The following PREP variants were observed in gnomAD, a reference collection of about 807,000 sequenced individuals.
The protein encoded by PREP is prolyl endopeptidase, also known as dJ355L5.1 (prolyl endopeptidase).
PREP carries 29 observed loss-of-function variants against 87.6 expected under a neutral mutation model. The ratio of observed to expected loss-of-function variants is 0.33; its 90% confidence interval spans 0.25 to 0.45. PREP has a LOEUF of 0.45. PREP is among the 20% of genes least tolerant of loss of function. The pLI is 1.00. For missense variants in PREP, 695 were observed against 886.5 expected, an observed-to-expected ratio of 0.78 and a Z score of 2.74; for synonymous variants, 337 against 328.6, an observed-to-expected ratio of 1.03 and a Z score of -0.28.
chr6:105,281,618 C>G, intron 14 of PREP, 128 bp downstream of exon 14: 1 of 1,157,424 alleles, frequency 8.6e-7, no homozygotes, highest in South Asian at 1.7e-5. Context: ...AGTCCCATCT[C>G]CTCTCCAGCA....
chr6:105,290,785 G>A lies in PREP; in HGVS notation c.1318-1891C>T, dbSNP rs72944156. ...AGTTCCCATTATCCCTGTAGTTGCAGAAATATATCCAAGCTTTAAGTTGGT... is the reference window on the plus strand; with the variant it reads ...AGTTCCCATTATCCCTGTAGTTGCAAAAATATATCCAAGCTTTAAGTTGGT... On this transcript the variant is annotated intron_variant, in intron 10 of 14. Transcript: ENST00000652536. Among the ~76,000 whole-genome samples, 1,210 of 152,320 alleles carry A rather than the reference G, an allele frequency of 7.9e-3. 7 individuals are homozygous for A. The highest frequency in any genetic ancestry group is 0.013 in the Non-Finnish European group (899 of 68,034).
intron 4 of PREP, among the ~76,000 whole-genome samples, chr6:105,374,011 T>C (rs573229508): frequency 1.3e-5 from 2 of 152,304 alleles, no homozygotes; most frequent in Non-Finnish European, 2.9e-5. Context: ...AACTAAATTG[T>C]AGTCATTAGG....
intron 6 of PREP, among the ~76,000 whole-genome samples, chr6:105,364,423 A>G (rs1772330935): frequency 6.6e-6 from 1 of 152,240 alleles, no homozygotes; most frequent in South Asian, 2.1e-4. Context: ...TGAAGAAGGA[A>G]GATGAGTCAC....
chr6:105,369,131 G>T, intron 5 of PREP, 107 bp from the exon 6 acceptor site: 1 of 1,154,806 alleles, frequency 8.7e-7, no homozygotes, highest in East Asian at 2.4e-5. Flanking sequence ...GCTGGCTGCA[G>T]GATACAAGGT....
At chr6:105,356,981 T>G (rs1265921930) in intron 6 of PREP, among the ~76,000 whole-genome samples, 2 of 152,200 alleles carry the variant, frequency 1.3e-5, no homozygotes. Context: ...AACCTTTTAT[T>G]TATCTTGCTT....
chr6:105,307,180 G>C (rs1439525413), intron 10 of PREP, among the ~76,000 whole-genome samples: 1 of 152,136 alleles, frequency 6.6e-6, no homozygotes, highest in East Asian at 1.9e-4. Context: ...CCTTTTAGTG[G>C]CTTTGGCTTT....
At chr6:105,290,581 C>T (rs764164406) in intron 10 of PREP, among the ~76,000 whole-genome samples, 1 of 151,820 alleles carries the variant, frequency 6.6e-6, no homozygotes. Context: ...AGCTGACTCT[C>T]AGACCCTCCA....
intron 1 of PREP, among the ~76,000 whole-genome samples, chr6:105,402,451 C>A (rs1052750502): frequency 2.7e-5 from 4 of 147,770 alleles, no homozygotes; most frequent in Non-Finnish European, 4.5e-5. Context: ...CACACACAAA[C>A]ACACACACAC....
chr6:105,359,115 C>T (rs1333967284), intron 6 of PREP, among the ~76,000 whole-genome samples: 1 of 152,170 alleles, frequency 6.6e-6, no homozygotes, highest in Non-Finnish European at 1.5e-5. Flanking sequence ...AGGGCAGCCA[C>T]AGCTGGGGTG....
At chr6:105,387,566 C>T (rs1773031077) in intron 2 of PREP, among the ~76,000 whole-genome samples, 1 of 145,790 alleles carries the variant, frequency 6.9e-6, no homozygotes, top group African/African-American at 2.6e-5. Context: ...TTGTCACAGG[C>T]CACACATAAA....
rs772713852 is a variant in PREP, at chr6:105,333,358, G to A, written c.971C>T (p.Ser324Phe). ...INIDFRDPEE[S>F]KWKVLVPEHE... ...CTCAGGAACAAGTACTTTCCACTTA[G>A]ACTCTTCAGGATCCCTGAAGTCAAT... The change falls in exon 8 of 15, where the codon TCT becomes TTT. Residue 324 changes from serine (S) to phenylalanine (F), a missense_variant. Physicochemically the swap from Ser to Phe is radical, Grantham distance 155 (BLOSUM62 -2). Coordinates refer to ENST00000652536, the MANE Select transcript of PREP (RefSeq NM_002726.5). 1.9e-6 allele frequency: 3 copies of A among 1,614,016 alleles called. No individual in the cohort carries two copies. The highest frequency in any genetic ancestry group is 2.2e-5 in the East Asian group (1 of 44,888).
At chr6:105,297,013 G>A (rs146771191) in intron 10 of PREP, among the ~76,000 whole-genome samples, 1 of 152,330 alleles carries the variant, frequency 6.6e-6, no homozygotes, top group East Asian at 1.9e-4. Context: ...GGCTATGGGG[G>A]TTCATGATCT....
Position 105,386,909 on chromosome 6 carries a change from G to T in PREP, c.121-9390C>A, listed in dbSNP as rs1244094381. Among the ~76,000 whole-genome samples, 5 of 152,144 alleles carry T rather than the reference G, an allele frequency of 3.3e-5. No homozygotes were observed. The East Asian group carries it at 9.6e-4, about 29-fold the overall frequency. Reference sequence around the variant, plus strand: ...ATGGTGAATTAGGCACCTAAACATGGTGGGGGAAAAAAAGAAGCTAAGGCC... The same window carrying T: ...ATGGTGAATTAGGCACCTAAACATGTTGGGGGAAAAAAAGAAGCTAAGGCC... On this transcript the variant is annotated intron_variant, in intron 2 of 14. Coordinates refer to ENST00000652536, the MANE Select transcript of PREP (RefSeq NM_002726.5).
chr6:105,390,600 T>G (rs372803627), intron 2 of PREP, among the ~76,000 whole-genome samples: 45 of 152,366 alleles, frequency 3.0e-4, no homozygotes, highest in African/African-American at 9.6e-4. Flanking sequence ...ATTTTTCTTT[T>G]GTGTATTTCT....
At chr6:105,392,529 T>C in intron 2 of PREP, among the ~76,000 whole-genome samples, 1 of 152,182 alleles carries the variant, frequency 6.6e-6, no homozygotes, top group East Asian at 1.9e-4. Context: ...TTTTGGCGTT[T>C]AGTTTGTATT....
chr6:105,285,617 T>G, intron 11 of PREP, 37 bp from the exon 12 acceptor site: 1 of 1,550,282 alleles, frequency 6.5e-7, no homozygotes, highest in Non-Finnish European at 8.9e-7. Flanking sequence ...TTCCATTAAC[T>G]GCCTAGTGAA....
At chr6:105,336,023 C>T (rs915882005) in intron 7 of PREP, among the ~76,000 whole-genome samples, 10 of 152,190 alleles carry the variant, frequency 6.6e-5, no homozygotes, top group African/African-American at 2.2e-4. Flanking sequence ...TTCGGGAGGC[C>T]GAGGCAGGTG....
chr6:105,399,541 C>T (rs986748951), intron 1 of PREP, among the ~76,000 whole-genome samples: 11 of 152,246 alleles, frequency 7.2e-5, no homozygotes, highest in African/African-American at 2.6e-4. Flanking sequence ...AACATAAAAC[C>T]CGACTAAAGC....
At position 105,323,787 on chromosome 6, in the gene PREP, C is replaced by T; in HGVS notation, c.1214-19G>A. On this transcript the variant is annotated intron_variant, in intron 9 of 14. Transcript: ENST00000652536. ...ATGATACCTAAAAAGTAGAATAAGG[C>T]TTGGTTTAGTCTACGGGACTCACTA... 8 of 1,590,114 alleles carry T rather than the reference C, an allele frequency of 5.0e-6. No homozygotes were observed. The highest frequency in any genetic ancestry group is 6.9e-6 in the Non-Finnish European group (8 of 1,158,634).
Sources: gnomAD v4.1 joint callset for allele counts (sites outside exome capture counted in the v4.1 genomes callset) on GRCh38, gnomAD v4.1.1 for gene constraint, MANE v1.5 for transcripts, NCBI Gene and HGNC (gene_info 2026-07-23, HGNC 2026-07-21) for gene names.